MAGI1: variants seen among roughly 807,000 people sequenced by gnomAD.
MAGI1 encodes membrane associated guanylate kinase, WW and PDZ domain containing 1, also known as membrane-associated guanylate kinase, WW and PDZ domain-containing protein 1.
A neutral mutation model predicts 139.9 loss-of-function variants in MAGI1; 58 were observed. That is an observed-to-expected ratio of 0.41 (90% CI 0.34 to 0.52). The LOEUF is 0.52. Among genes scored for constraint, MAGI1 ranks in the 20% least tolerant of loss-of-function variants. MAGI1 has a pLI of 0.12. For missense variants in MAGI1, 1,874 were observed against 1,901.6 expected (o/e 0.99, Z 0.27); for synonymous variants, 812 against 737.9 (o/e 1.10, Z -1.63).
Position 65,439,904 on chromosome 3 carries a change from C to CTGCTGCTGCTGCTGT in MAGI1, c.1244_1245insACAGCAGCAGCAGCA (p.Gln417_Gln421dup), listed in dbSNP as rs1553644247. Reference sequence around the variant, plus strand: ...CTTCTGTCTGCTGCTGCTGCTGCTGCTGCTGCTGCTGTTGCTGCTGCTGTT... The same window carrying CTGCTGCTGCTGCTGT: ...CTTCTGTCTGCTGCTGCTGCTGCTGCTGCTGCTGCTGCTGTTGCTGCTGCTGTTGCTGCTGCTGTT... On this transcript the variant is annotated inframe_insertion, in exon 9 of 23. Transcript: ENST00000402939. The CTGCTGCTGCTGCTGT allele has an allele frequency of 1.7e-5, 27 of 1,609,872 alleles. No homozygotes were observed. The South Asian group carries it at 1.9e-4, about 11-fold the overall frequency.
intron 2 of MAGI1, among the ~76,000 whole-genome samples, chr3:65,572,001 T>A (rs762424742): frequency 3.3e-5 from 5 of 151,858 alleles, no homozygotes; most frequent in African/African-American, 1.2e-4. Context: ...TAAGCATATA[T>A]GCACAAATTA....
chr3:65,700,714 CTG>C (rs1293074851), intron 1 of MAGI1, among the ~76,000 whole-genome samples: 1 of 152,116 alleles, frequency 6.6e-6, no homozygotes, highest in Non-Finnish European at 1.5e-5. Context: ...TAAAAAATGA[CTG>C]TAACACGTCG....
At position 65,354,484 on chromosome 3, in the gene MAGI1, T is replaced by C. The variant is rs547454135; in HGVS notation, c.*1894A>G. ...AAAAGATTGGCCCACATACTGCTTT[T>C]CATCAATACAGAAAGAGCATTAAGT... On this transcript the variant is annotated 3_prime_UTR_variant, in exon 23 of 23. Transcript: ENST00000402939. The C allele has an allele frequency of 6.6e-6, 1 of 152,662 alleles. No individual in the cohort carries two copies. Among genetic ancestry groups the C allele is most frequent in the Non-Finnish European group, 1.5e-5 (1 of 68,042 alleles). The allele number at this position is 152,662 out of a possible 1,614,324, so 9.5% of individuals were successfully genotyped here. A position where few individuals can be genotyped will look rare whatever the true frequency, so the allele number is the denominator to read the frequency against.
chr3:65,979,888 G>A (rs1439521008), intron 1 of MAGI1, among the ~76,000 whole-genome samples: 2 of 152,200 alleles, frequency 1.3e-5, no homozygotes, highest in Admixed American at 1.3e-4. Context: ...ATATTAAGCA[G>A]CACCCTGGAC....
chr3:65,759,026 T>A (rs985448489), intron 1 of MAGI1, among the ~76,000 whole-genome samples: 1 of 146,406 alleles, frequency 6.8e-6, no homozygotes, highest in Non-Finnish European at 1.5e-5. Flanking sequence ...CATATTTTCT[T>A]TACCACAGCC....
intron 1 of MAGI1, among the ~76,000 whole-genome samples, chr3:66,026,044 T>A (rs2068244025): frequency 6.6e-6 from 1 of 152,160 alleles, no homozygotes; most frequent in Non-Finnish European, 1.5e-5. Context: ...AAGCTTTTTT[T>A]TTTTTAACAA....
chr3:65,538,108 C>A (rs1337702610), intron 2 of MAGI1, among the ~76,000 whole-genome samples: 2 of 152,200 alleles, frequency 1.3e-5, no homozygotes, highest in East Asian at 3.8e-4. Flanking sequence ...GCACTCCAGC[C>A]TGGGCAACAA....
chr3:65,822,075 C>T (rs1473069263), intron 1 of MAGI1, among the ~76,000 whole-genome samples: 1 of 152,124 alleles, frequency 6.6e-6, no homozygotes, highest in Non-Finnish European at 1.5e-5. Flanking sequence ...AAACTAACAC[C>T]ACAGGGATGG....
chr3:65,847,715 G>A (rs1009229973), intron 1 of MAGI1, among the ~76,000 whole-genome samples: 3 of 152,126 alleles, frequency 2.0e-5, no homozygotes, highest in African/African-American at 7.2e-5. Context: ...ATTCTTTTAT[G>A]CTAAGGATGC....
At chr3:65,859,206 G>T (rs1034103164) in intron 1 of MAGI1, among the ~76,000 whole-genome samples, 1 of 151,940 alleles carries the variant, frequency 6.6e-6, no homozygotes, top group East Asian at 1.9e-4. Context: ...GGTGGCGCAT[G>T]CCTGTAATCC....
chr3:65,977,127 G>A (rs1023554987), intron 1 of MAGI1, among the ~76,000 whole-genome samples: 1 of 152,102 alleles, frequency 6.6e-6, no homozygotes, highest in South Asian at 2.1e-4. Context: ...GATGTTATAG[G>A]TTTTCTTTCC....
intron 1 of MAGI1, among the ~76,000 whole-genome samples, chr3:65,931,194 A>C (rs1013234140): frequency 2.6e-5 from 4 of 151,948 alleles, no homozygotes; most frequent in African/African-American, 9.7e-5. Flanking sequence ...CACCACGCCC[A>C]GCTGATTGTT....
intron 1 of MAGI1, among the ~76,000 whole-genome samples, chr3:65,630,162 GTATT>G (rs2084210282): frequency 6.6e-6 from 1 of 152,138 alleles, no homozygotes; most frequent in African/African-American, 2.4e-5. Context: ...AATTCAACAT[GTATT>G]TATTAAGTGC....
At chr3:65,748,547 T>C (rs2035884975) in intron 1 of MAGI1, among the ~76,000 whole-genome samples, 3 of 152,238 alleles carry the variant, frequency 2.0e-5, no homozygotes, top group Admixed American at 2.0e-4. Flanking sequence ...CGCTTTGTAT[T>C]GCAACACAGT....
intron 1 of MAGI1, among the ~76,000 whole-genome samples, chr3:65,729,179 T>C (rs1173745955): frequency 2.7e-5 from 4 of 147,334 alleles, no homozygotes; most frequent in Non-Finnish European, 5.9e-5. Flanking sequence ...ACAAGTATAT[T>C]CATATAGGAC....
At chr3:65,779,228 T>C (rs2038730794) in intron 1 of MAGI1, among the ~76,000 whole-genome samples, 1 of 152,218 alleles carries the variant, frequency 6.6e-6, no homozygotes, top group Admixed American at 6.5e-5. Flanking sequence ...ACTGCCAGTA[T>C]GACCTCTTCC....
chr3:65,805,902 A>C (rs1444822423), intron 1 of MAGI1, among the ~76,000 whole-genome samples: 1 of 152,146 alleles, frequency 6.6e-6, no homozygotes, highest in African/African-American at 2.4e-5. Context: ...ACACATGGAC[A>C]CAGGGAGGGG....
chr3:65,463,831 A>C (rs1949989549), intron 5 of MAGI1, among the ~76,000 whole-genome samples: 1 of 152,094 alleles, frequency 6.6e-6, no homozygotes, highest in African/African-American at 2.4e-5. Context: ...TCAGGGATGC[A>C]ACTTCTTCCT....
chr3:65,724,259 TCAC>T (rs2033370302), intron 1 of MAGI1, among the ~76,000 whole-genome samples: 1 of 152,212 alleles, frequency 6.6e-6, no homozygotes, highest in African/African-American at 2.4e-5. Context: ...GCAACAAAAA[TCAC>T]CACCACACTA....
Sources: allele counts gnomAD v4.1 joint callset (sites outside exome capture counted in the v4.1 genomes callset), GRCh38; gene constraint gnomAD v4.1.1; transcripts MANE v1.5; gene names NCBI Gene and HGNC (gene_info 2026-07-23, HGNC 2026-07-21).